TMEM51: variants seen among roughly 807,000 people sequenced by gnomAD.
The protein encoded by TMEM51 is transmembrane protein 51.
In TMEM51, 8 loss-of-function variants were observed where a neutral mutation model predicts 13.6. That is an observed-to-expected ratio of 0.59 (90% confidence interval 0.35 to 1.07). The LOEUF (loss-of-function observed/expected upper bound fraction) is 1.07. Ranked by LOEUF, TMEM51 falls within the 50% of genes least tolerant of loss-of-function variation. The pLI is 0.02. For synonymous variants in TMEM51, 147 were observed against 144.4 expected (o/e 1.02, Z -0.13); for missense variants, 279 against 330.7 (o/e 0.84, Z 1.21).
At chr1:15,209,632 C>T (rs756865080) in intron 1 of TMEM51, among the ~76,000 whole-genome samples, 2 of 152,216 alleles carry the variant, frequency 1.3e-5, no homozygotes, top group African/African-American at 4.8e-5. Flanking sequence ...TAATACTCCA[C>T]AGAGTGACAC....
intron 1 of TMEM51, among the ~76,000 whole-genome samples, chr1:15,176,407 A>G (rs1005893368): frequency 3.9e-5 from 6 of 152,310 alleles, no homozygotes; most frequent in African/African-American, 1.4e-4. Context: ...GCTGATACAA[A>G]CAACCTGCAT....
chr1:15,185,138 A>C (rs1201243123), intron 1 of TMEM51, among the ~76,000 whole-genome samples: 1 of 151,396 alleles, frequency 6.6e-6, no homozygotes, highest in Non-Finnish European at 1.5e-5. Flanking sequence ...CCCATAAGCC[A>C]CCTCACCGGT....
Position 15,219,882 on chromosome 1 carries a change from G to T in TMEM51, c.*139G>T, listed in dbSNP as rs1644491107. 1.1e-5 allele frequency: 10 copies of T among 929,838 alleles called. No individual in the cohort carries two copies. In the South Asian group the frequency reaches 1.4e-4, roughly 13 times the overall value. 57.6% of individuals were successfully genotyped at this position (929,838 alleles called of 1,614,324 possible). ...CCATTTGGATGGCGGCGGGCGGGGG[G>T]GGATTCTCTGTATCAGGAGTGACTT... On this transcript the variant is annotated 3_prime_UTR_variant, in exon 4 of 4. Coordinates refer to ENST00000376008, the MANE Select transcript of TMEM51 (RefSeq NM_001136218.2).
chr1:15,164,271 C>T (rs1030215269), intron 1 of TMEM51: 6 of 436,504 alleles, frequency 1.4e-5, no homozygotes, highest in African/African-American at 1.2e-4. Context: ...TTCAAGATGC[C>T]ACATTGCATT....
At position 15,220,009 on chromosome 1, in the gene TMEM51, T is replaced by G; in HGVS notation, c.*266T>G. The G allele has an allele frequency of 2.2e-6, 1 of 453,866 alleles. No homozygotes were observed. The highest frequency in any genetic ancestry group is 3.4e-5 in the East Asian group (1 of 29,662). The allele number at this position is 453,866 out of a possible 1,614,324, so 28.1% of individuals were successfully genotyped here. On this transcript the variant is annotated 3_prime_UTR_variant, in exon 4 of 4. Transcript: ENST00000376008. ...CATTCAAGGGTGTGGCACAGGCATC[T>G]TCCCATCCTTTTCACTCCGAATCGC...
At chr1:15,163,491 T>C (rs1642865684) in intron 1 of TMEM51, among the ~76,000 whole-genome samples, 1 of 151,966 alleles carries the variant, frequency 6.6e-6, no homozygotes, top group Non-Finnish European at 1.5e-5. Flanking sequence ...GCCAGGAACT[T>C]TGGCGGCTTT....
At chr1:15,152,981 T>A (rs1642446773), upstream of TMEM51, among the ~76,000 whole-genome samples, 1 of 152,134 alleles carries the variant, frequency 6.6e-6, no homozygotes, top group Non-Finnish European at 1.5e-5. Flanking sequence ...AGGCTCCCGG[T>A]GCAGCGCGCC....
At chr1:15,164,843 G>A (rs559263857) in intron 1 of TMEM51, among the ~76,000 whole-genome samples, 59 of 125,812 alleles carry the variant, frequency 4.7e-4, no homozygotes, top group Admixed American at 1.4e-3. Flanking sequence ...TCGCTCTGTC[G>A]CCAGGCCAGA....
At chr1:15,218,362 T>C (rs951198167) in intron 3 of TMEM51, among the ~76,000 whole-genome samples, 6 of 152,174 alleles carry the variant, frequency 3.9e-5, no homozygotes, top group African/African-American at 9.7e-5. Context: ...CAGCTGAGCA[T>C]TGGAATAGCT....
At chr1:15,191,639 G>A (rs1643923239) in intron 1 of TMEM51, among the ~76,000 whole-genome samples, 1 of 152,154 alleles carries the variant, frequency 6.6e-6, no homozygotes, top group Non-Finnish European at 1.5e-5. Context: ...GCACGGCTGT[G>A]AGATGACTGC....
At chr1:15,179,401 TA>T (rs1349764257) in intron 1 of TMEM51, among the ~76,000 whole-genome samples, 1 of 151,948 alleles carries the variant, frequency 6.6e-6, no homozygotes, top group Non-Finnish European at 1.5e-5. Flanking sequence ...CTCAGCAAGT[TA>T]AAGGAAGGAA....
intron 1 of TMEM51, among the ~76,000 whole-genome samples, chr1:15,201,463 A>G (rs2100313085): frequency 6.6e-6 from 1 of 151,918 alleles, no homozygotes; most frequent in South Asian, 2.1e-4. Flanking sequence ...AGTAATAAAT[A>G]ATAATAAAGG....
At chr1:15,183,160 T>C (rs1430919748) in intron 1 of TMEM51, among the ~76,000 whole-genome samples, 2 of 152,228 alleles carry the variant, frequency 1.3e-5, no homozygotes, top group Non-Finnish European at 2.9e-5. Context: ...TATGGATCTA[T>C]GGACTTTGCT....
chr1:15,164,329 GTCTTT>G (rs1464276319), intron 1 of TMEM51: 1 of 455,934 alleles, frequency 2.2e-6, no homozygotes, highest in African/African-American at 2.0e-5. Context: ...CACTTTCTCA[GTCTTT>G]TCTTAAATTT....
intron 1 of TMEM51, chr1:15,168,645 C>G: frequency 7.7e-7 from 1 of 1,304,438 alleles, no homozygotes; most frequent in African/African-American, 1.5e-5. Flanking sequence ...TGTGTTTGTA[C>G]TGACTCACTG....
intron 2 of TMEM51, among the ~76,000 whole-genome samples, chr1:15,212,882 C>G (rs1179619378): frequency 2.0e-5 from 3 of 152,202 alleles, no homozygotes; most frequent in Non-Finnish European, 4.4e-5. Context: ...AACATATATG[C>G]ACACGTGTTC....
chr1:15,152,838 G>A (rs1253470513), upstream of TMEM51: 1 of 152,214 alleles, frequency 6.6e-6, no homozygotes, highest in African/African-American at 2.4e-5. Context: ...CCAGAACTCC[G>A]TGGCGGCTCC....
intron 1 of TMEM51, among the ~76,000 whole-genome samples, chr1:15,182,625 T>A (rs1643656304): frequency 6.6e-6 from 1 of 152,162 alleles, no homozygotes; most frequent in Admixed American, 6.5e-5. Context: ...ATAAGTACCT[T>A]AGGCAGTTGG....
chr1:15,156,896 G>C (rs1011716898), intron 1 of TMEM51, among the ~76,000 whole-genome samples: 1 of 152,132 alleles, frequency 6.6e-6, no homozygotes, highest in African/African-American at 2.4e-5. Flanking sequence ...TTGGGCCCCA[G>C]GTTTCTCAAC....
Sources: allele counts gnomAD v4.1 joint callset (sites outside exome capture counted in the v4.1 genomes callset), GRCh38; gene constraint gnomAD v4.1.1; transcripts MANE v1.5; gene names NCBI Gene and HGNC (gene_info 2026-07-23, HGNC 2026-07-21).